Variants in ZAR1L observed in about 807,000 individuals in gnomAD.
ZAR1L encodes zygote arrest 1 like.
A neutral mutation model predicts 30.0 loss-of-function variants in ZAR1L; 16 were observed. That is an observed-to-expected ratio of 0.53 (90% CI 0.36 to 0.81). The LOEUF (loss-of-function observed/expected upper bound fraction) is 0.81. ZAR1L is among the 30% of genes least tolerant of loss of function. The pLI is 0.00. For missense variants in ZAR1L, 392 were observed against 417.2 expected, an observed-to-expected ratio of 0.94 and a Z score of 0.53; for synonymous variants, 197 against 166.8, an observed-to-expected ratio of 1.18 and a Z score of -1.40.
chr13:32,309,260 G>A (rs1175570526), intron 4 of ZAR1L, among the ~76,000 whole-genome samples: 1 of 151,980 alleles, frequency 6.6e-6, no homozygotes, highest in Non-Finnish European at 1.5e-5. Flanking sequence ...CCAAAGTGCT[G>A]GGATTACAAG....
Position 32,310,106 on chromosome 13 carries a change from G to C in ZAR1L, c.747+533C>G, listed in dbSNP as rs562451613. Among the ~76,000 whole-genome samples the C allele has an allele frequency of 1.1e-4, 17 of 152,372 alleles. No individual in the cohort carries two copies. In the East Asian group the frequency reaches 3.3e-3, roughly 29 times the overall value. The stretch of plus-strand genomic sequence containing the variant: ...GCCTGCTGTTCTCATTCTCAAACGA[G>C]GGTCTCTAATGACCAGAGCCTACAG... On this transcript the variant is annotated intron_variant, in intron 4 of 5. Coordinates refer to ENST00000533490, the MANE Select transcript of ZAR1L (RefSeq NM_001136571.2).
At chr13:32,313,461 G>A (rs990762579) in intron 2 of ZAR1L, among the ~76,000 whole-genome samples, 7 of 152,210 alleles carry the variant, frequency 4.6e-5, no homozygotes, top group African/African-American at 1.7e-4. Flanking sequence ...CCGCCTCTGG[G>A]GTTCAAGTGA....
chr13:32,304,809 C>CTTT (rs776182055), intron 5 of ZAR1L, among the ~76,000 whole-genome samples: 6,832 of 136,034 alleles, frequency 0.05, 298 homozygotes, highest in Non-Finnish European at 0.076. Flanking sequence ...CAAGATTTAC[C>CTTT]TTTTTTTTTT....
chr13:32,308,565 T>A, intron 5 of ZAR1L, 121 bp downstream of exon 5: 2 of 683,314 alleles, frequency 2.9e-6, no homozygotes, highest in South Asian at 3.8e-5. Context: ...AAATGTAACA[T>A]CTCAAACATA....
intron 4 of ZAR1L, 62 bp downstream of exon 4, chr13:32,310,577 C>A: frequency 6.1e-6 from 7 of 1,142,754 alleles, no homozygotes; most frequent in Non-Finnish European, 9.0e-6. Context: ...GAATCAGATT[C>A]TTCCCCGCTT....
intron 5 of ZAR1L, among the ~76,000 whole-genome samples, chr13:32,307,101 A>G (rs1313019151): frequency 1.3e-5 from 2 of 152,154 alleles, no homozygotes; most frequent in Non-Finnish European, 2.9e-5. Flanking sequence ...AATACTGACT[A>G]TACACAATAA....
rs2014059436 is a variant in ZAR1L at position 32,311,963 on chromosome 13, C to A, written c.-38G>T. ...GCTCAGGCGCAGTCTAATATCCTAGCCAGTTTGTTTGGGTCCTTATTTTGC... is the reference window on the plus strand; with the variant it reads ...GCTCAGGCGCAGTCTAATATCCTAGACAGTTTGTTTGGGTCCTTATTTTGC... On this transcript the variant is annotated 5_prime_UTR_variant, in exon 3 of 6. Coordinates refer to ENST00000533490, the MANE Select transcript of ZAR1L (RefSeq NM_001136571.2). 6.7e-7 allele frequency: 1 copy of A among 1,494,468 alleles called. No homozygotes were observed. The allele number at this position is 1,494,468 out of a possible 1,614,324, so 92.6% of individuals were successfully genotyped here. A position where few individuals can be genotyped will look rare whatever the true frequency, so the allele number is the denominator to read the frequency against.
At chr13:32,310,612 C>T in intron 4 of ZAR1L, 27 bp downstream of exon 4, 3 of 1,466,274 alleles carry the variant, frequency 2.0e-6, no homozygotes, top group Non-Finnish European at 2.8e-6. Context: ...CCCCATCCTC[C>T]TCTCACCTCC....
In ZAR1L at chr13:32,308,666, G is replaced by T. The variant is rs926478447; in HGVS notation, c.822+20C>A. 1 of 1,532,888 alleles carries T rather than the reference G, an allele frequency of 6.5e-7. No homozygotes were observed. Among genetic ancestry groups the T allele is most frequent in the Non-Finnish European group, 8.8e-7 (1 of 1,130,734 alleles). 95.0% of individuals were successfully genotyped at this position (1,532,888 alleles called of 1,614,324 possible). A position where few individuals can be genotyped will look rare whatever the true frequency, so the allele number is the denominator to read the frequency against. ...TTAGTAATGAAACATAGACACAATG[G>T]AAGTGTTCCATATGCTCACCTGACA... On this transcript the variant is annotated intron_variant, in intron 5 of 5. Coordinates refer to ENST00000533490, the MANE Select transcript of ZAR1L (RefSeq NM_001136571.2).
At chr13:32,314,712 C>T (rs1043086780) in intron 1 of ZAR1L, among the ~76,000 whole-genome samples, 162 bp from the exon 2 acceptor site, 7 of 151,924 alleles carry the variant, frequency 4.6e-5, no homozygotes, top group African/African-American at 1.7e-4. Flanking sequence ...GTTAGCCGTG[C>T]GTGGTGGCCC....
Position 32,311,934 on chromosome 13 carries a change from A to C in ZAR1L, c.-9T>G. ...CGGACAAAGCGCTCCATCCGCTCTC[A>C]GGTGCTCAGGCGCAGTCTAATATCC... On this transcript the variant is annotated 5_prime_UTR_variant, in exon 3 of 6. Transcript: ENST00000533490. 1 of 1,539,670 alleles carries C rather than the reference A, an allele frequency of 6.5e-7. No individual in the cohort carries two copies.
rs2072157344 is a variant in ZAR1L, at chr13:32,304,033, CAAAG to C, written c.823-15_823-12del. ...AGACTTTGAGCAGGTCTTTAGGAAA[CAAAG>C]AAGAGTTTGGACGCTAAATGATCAG... is the stretch of plus-strand genomic sequence containing the variant. On this transcript the variant is annotated splice_polypyrimidine_tract_variant and intron_variant, in intron 5 of 5. Transcript: ENST00000533490. 1.3e-6 allele frequency: 2 copies of C among 1,548,632 alleles called. No individual in the cohort carries two copies. Among genetic ancestry groups the C allele is most frequent in the Non-Finnish European group, 1.7e-6 (2 of 1,146,134 alleles).
At chr13:32,314,224 G>C (rs1429531208) in intron 2 of ZAR1L, 106 bp downstream of exon 2, 1 of 146,252 alleles carries the variant, frequency 6.8e-6, no homozygotes, top group Non-Finnish European at 1.5e-5. Flanking sequence ...ATTAGACTTA[G>C]AGCAAAAGCT....
intron 4 of ZAR1L, among the ~76,000 whole-genome samples, chr13:32,310,257 T>C (rs776063324): frequency 2.0e-5 from 3 of 152,252 alleles, no homozygotes; most frequent in Non-Finnish European, 4.4e-5. Flanking sequence ...TACAGGCAAA[T>C]CTTTACAGTA....
At chr13:32,312,861 G>C (rs550680898) in intron 2 of ZAR1L, among the ~76,000 whole-genome samples, 1 of 152,122 alleles carries the variant, frequency 6.6e-6, no homozygotes, top group South Asian at 2.1e-4. Flanking sequence ...CTGGGCAACA[G>C]AGAGAGAAAG....
At chr13:32,308,408 G>C (rs554024741) in intron 5 of ZAR1L, among the ~76,000 whole-genome samples, 4 of 152,174 alleles carry the variant, frequency 2.6e-5, no homozygotes, top group Non-Finnish European at 5.9e-5. Flanking sequence ...ATTAACAGCA[G>C]TCACCTTTTA....
chr13:32,312,645 A>T (rs2072222747), intron 2 of ZAR1L, among the ~76,000 whole-genome samples: 1 of 152,222 alleles, frequency 6.6e-6, no homozygotes, highest in South Asian at 2.1e-4. Context: ...TGGGAGGCCG[A>T]GGCAGGCAGA....
chr13:32,312,008 C>G lies in ZAR1L; in HGVS notation c.-83G>C. 1.4e-6 allele frequency: 2 copies of G among 1,392,604 alleles called. No individual in the cohort carries two copies. The highest frequency in any genetic ancestry group is 1.9e-6 in the Non-Finnish European group (2 of 1,048,702). The allele number at this position is 1,392,604 out of a possible 1,614,324, so 86.3% of individuals were successfully genotyped here. A position where few individuals can be genotyped will look rare whatever the true frequency, so the allele number is the denominator to read the frequency against. On this transcript the variant is annotated 5_prime_UTR_variant, in exon 3 of 6. Transcript: ENST00000533490. Reference sequence around the variant, plus strand: ...TTTTGCCTTCCTCCTTCATCCGCCCCTTCTTTCTCTTCATCAGGTTGGTTC... The same window carrying G: ...TTTTGCCTTCCTCCTTCATCCGCCCGTTCTTTCTCTTCATCAGGTTGGTTC...
chr13:32,313,677 T>C (rs916885771), intron 2 of ZAR1L, among the ~76,000 whole-genome samples: 2 of 152,130 alleles, frequency 1.3e-5, no homozygotes, highest in African/African-American at 4.8e-5. Flanking sequence ...GGAAATAATG[T>C]TTTTAAGAAA....
Sources: allele counts gnomAD v4.1 joint callset (sites outside exome capture counted in the v4.1 genomes callset), GRCh38; gene constraint gnomAD v4.1.1; transcripts MANE v1.5; gene names NCBI Gene and HGNC (gene_info 2026-07-23, HGNC 2026-07-21).